SNX18: variants seen among roughly 807,000 people sequenced by gnomAD.
SNX18 encodes sorting nexin-18.
SNX18 carries 35 observed loss-of-function variants against 48.7 expected under a neutral mutation model. That is an observed-to-expected ratio of 0.72 (90% confidence interval 0.55 to 0.95). The LOEUF is 0.95. Among genes scored for constraint, SNX18 ranks in the 40% least tolerant of loss-of-function variants. The probability of loss-of-function intolerance (pLI) is 0.00; values close to 1 mark genes in which losing one functional copy is unlikely to be tolerated. For missense variants in SNX18, 824 were observed against 871.0 expected, an observed-to-expected ratio of 0.95 and a Z score of 0.68; for synonymous variants, 492 against 384.7, an observed-to-expected ratio of 1.28 and a Z score of -3.26.
In SNX18 at chr5:54,517,977, T is replaced by C. The variant is rs1408597146; in HGVS notation, c.25T>C (p.Tyr9His). MALRARALYDFRSENPGEI... is the reference protein window; with the variant it reads MALRARALHDFRSENPGEI... ...CATGGCGCTGCGCGCCCGGGCGCTG[T>C]ACGACTTCAGGTCGGAGAACCCAGG... The change falls in exon 1 of 2, where the codon TAC becomes CAC. Residue 9 changes from tyrosine (Y) to histidine (H), a missense_variant. Coordinates refer to ENST00000381410, the MANE Select transcript of SNX18 (RefSeq NM_001102575.2). 3 of 1,533,864 alleles carry C rather than the reference T, an allele frequency of 2.0e-6. No homozygotes were observed. Among genetic ancestry groups the C allele is most frequent in the Non-Finnish European group, 2.6e-6 (3 of 1,142,534 alleles).
In SNX18 at chr5:54,517,921, G is replaced by A; in HGVS notation, c.-32G>A. ...GGTGGGCCTCGGCTCGGGACGCCGGGAGTCGGGACCGCCAGTCGGGGCGCC... is the reference window on the plus strand; with the variant it reads ...GGTGGGCCTCGGCTCGGGACGCCGGAAGTCGGGACCGCCAGTCGGGGCGCC... On this transcript the variant is annotated 5_prime_UTR_variant, in exon 1 of 2. Coordinates refer to ENST00000381410, the MANE Select transcript of SNX18 (RefSeq NM_001102575.2). 6.7e-7 allele frequency: 1 copy of A among 1,482,984 alleles called. No individual in the cohort carries two copies. The allele number at this position is 1,482,984 out of a possible 1,614,324, so 91.9% of individuals were successfully genotyped here.
chr5:54,581,512 C>T, the SNX18 span, among the ~76,000 whole-genome samples: 3 of 152,138 alleles, frequency 2.0e-5, no homozygotes, highest in Admixed American at 6.5e-5. Flanking sequence ...TGAGGATAGA[C>T]GTCTGGCGTT....
the SNX18 span, among the ~76,000 whole-genome samples, chr5:54,587,980 G>A: frequency 2.0e-5 from 3 of 152,114 alleles, no homozygotes; most frequent in Non-Finnish European, 4.4e-5. Context: ...TGAGAGGAAG[G>A]TGTACACCCC....
chr5:54,611,878 CTTCT>C, the SNX18 span, among the ~76,000 whole-genome samples: 4 of 147,496 alleles, frequency 2.7e-5, no homozygotes, highest in Non-Finnish European at 6.0e-5. Context: ...TCTTCTTCTT[CTTCT>C]TTTTTTTTAA....
the SNX18 span, among the ~76,000 whole-genome samples, chr5:54,626,241 A>G: frequency 2.0e-5 from 3 of 152,222 alleles, no homozygotes; most frequent in African/African-American, 7.2e-5. Flanking sequence ...GTGTGATTGG[A>G]GTGATGATAG....
the SNX18 span, among the ~76,000 whole-genome samples, chr5:54,564,594 C>T: frequency 2.0e-4 from 30 of 152,052 alleles, no homozygotes; most frequent in Admixed American, 1.8e-3. Context: ...CAGTGGCTCA[C>T]GCCTGTAATC....
the SNX18 span, among the ~76,000 whole-genome samples, chr5:54,636,398 A>G: frequency 1.6e-4 from 24 of 151,994 alleles, no homozygotes; most frequent in South Asian, 4.6e-3. Flanking sequence ...GCATTTTGCT[A>G]TGGGGAGAAA....
downstream of SNX18, among the ~76,000 whole-genome samples, chr5:54,547,778 G>C (rs1251019625): frequency 6.6e-6 from 1 of 152,184 alleles, no homozygotes; most frequent in Non-Finnish European, 1.5e-5. Flanking sequence ...GCCAATAGAA[G>C]CACATTCCAG....
the SNX18 span, among the ~76,000 whole-genome samples, chr5:54,627,715 C>G: frequency 1.3e-5 from 2 of 152,100 alleles, no homozygotes; most frequent in African/African-American, 4.8e-5. Context: ...CCCATGCTCC[C>G]ATTTCCAAGC....
At chr5:54,622,745 A>G in the SNX18 span, among the ~76,000 whole-genome samples, 2 of 151,742 alleles carry the variant, frequency 1.3e-5, no homozygotes, top group African/African-American at 2.4e-5. Flanking sequence ...ATTTACATCT[A>G]TTAATTTATC....
the SNX18 span, among the ~76,000 whole-genome samples, chr5:54,587,935 C>T: frequency 3.9e-5 from 6 of 152,136 alleles, no homozygotes; most frequent in African/African-American, 7.2e-5. Context: ...GGATTGTGAA[C>T]GAATGTGATG....
the SNX18 span, among the ~76,000 whole-genome samples, chr5:54,583,397 T>C: frequency 6.6e-6 from 1 of 152,212 alleles, no homozygotes; most frequent in Non-Finnish European, 1.5e-5. Flanking sequence ...TGGCTCTGGG[T>C]CTTCCCTTCA....
In SNX18 at chr5:54,518,066, G is replaced by T. The variant is rs780111690; in HGVS notation, c.114G>T (p.Trp38Cys). Residue 38 changes from tryptophan to cysteine, a missense_variant, in exon 1 of 2, where the codon TGG becomes TGT. By Grantham distance (215) the Trp-to-Cys change is radical. Coordinates refer to ENST00000381410, the MANE Select transcript of SNX18 (RefSeq NM_001102575.2). Reference sequence around the variant, plus strand: ...GCAGCGAGCAGGACATCGAGGGCTGGCTCGAGGGGGTCAACAGCCGCGGCG... The same window carrying T: ...GCAGCGAGCAGGACATCGAGGGCTGTCTCGAGGGGGTCAACAGCCGCGGCG... ...SLCSEQDIEG[W>C]LEGVNSRGDR... 6.5e-7 allele frequency: 1 copy of T among 1,543,550 alleles called. No individual in the cohort carries two copies. The highest frequency in any genetic ancestry group is 1.9e-5 in the Admixed American group (1 of 51,370).
the SNX18 span, among the ~76,000 whole-genome samples, chr5:54,560,781 C>T: frequency 1.3e-5 from 2 of 152,142 alleles, no homozygotes; most frequent in Non-Finnish European, 2.9e-5. Context: ...GAATCCAGCA[C>T]GGCCAAGGGG....
rs149533395 is a variant in SNX18 at position 54,533,541 on chromosome 5, A to G, written c.1622-9638A>G. On this transcript the variant is annotated intron_variant, in intron 1 of 1. Transcript: ENST00000381410. ...TGGGTAGGGTATCCCCCCTTGGGCC[A>G]CATACAAGGGAATTGCCTGAGTTGG... 2.7e-3 allele frequency among the ~76,000 whole-genome samples: 413 copies of G among 152,330 alleles called. 3 individuals carry two copies. The highest frequency in any genetic ancestry group is 9.5e-3 in the African/African-American group (394 of 41,586).
the SNX18 span, among the ~76,000 whole-genome samples, chr5:54,577,393 A>G: frequency 2.4e-5 from 3 of 124,508 alleles, no homozygotes; most frequent in Admixed American, 2.1e-4. Flanking sequence ...TCCAGCAGCT[A>G]TTAGGAGAAA....
At chr5:54,565,015 C>T in the SNX18 span, among the ~76,000 whole-genome samples, 4 of 152,226 alleles carry the variant, frequency 2.6e-5, no homozygotes, top group African/African-American at 9.6e-5. Flanking sequence ...TCCATCTTCA[C>T]AGCCAGTGAT....
At chr5:54,591,799 C>A in the SNX18 span, among the ~76,000 whole-genome samples, 1 of 152,204 alleles carries the variant, frequency 6.6e-6, no homozygotes, top group Non-Finnish European at 1.5e-5. Flanking sequence ...AGAGGTGCCA[C>A]AAGAGCAAAG....
chr5:54,518,545 G>T lies in SNX18; in HGVS notation c.593G>T (p.Arg198Leu), dbSNP rs542228619. ...GAAGRYRLST[R>L]SDLSLGSRGG... The stretch of plus-strand genomic sequence containing the variant: ...GCCGGCCGCTACCGCCTGTCCACGC[G>T]CTCCGACCTGTCCCTGGGTTCCCGC... The change falls in exon 1 of 2, where the codon CGC (arginine) becomes CTC (leucine). Residue 198 changes from arginine (R) to leucine (L), a missense_variant. This residue lies in a region of SNX18 where 377 missense variants were observed against 350.6 expected (regional missense o/e 1.08). Transcript: ENST00000381410. 4.4e-5 allele frequency: 69 copies of T among 1,585,574 alleles called. No homozygotes were observed. The African/African-American group carries it at 8.9e-4, about 20-fold the overall frequency.
Sources: allele counts gnomAD v4.1 joint callset (sites outside exome capture counted in the v4.1 genomes callset), GRCh38; gene constraint gnomAD v4.1.1; regional missense constraint gnomAD v4.1.1; transcripts MANE v1.5; gene names NCBI Gene and HGNC (gene_info 2026-07-23, HGNC 2026-07-21).